Variants in BSND observed in about 807,000 individuals in gnomAD.
BSND encodes the protein barttin.
In BSND, 13 loss-of-function variants were observed where a neutral mutation model predicts 18.8. The observed-to-expected ratio is 0.69, with a 90% CI of 0.45 to 1.10. The LOEUF (loss-of-function observed/expected upper bound fraction) is 1.10. Among genes scored for constraint, BSND ranks in the 50% least tolerant of loss-of-function variants. The probability of loss-of-function intolerance (pLI) is 0.00; values close to 1 mark genes in which losing one functional copy is unlikely to be tolerated. For missense variants in BSND, 379 were observed against 416.7 expected (o/e 0.91, Z 0.79); for synonymous variants, 170 against 161.8 (o/e 1.05, Z -0.39).
rs946269323 is a variant in BSND, at chr1:55,013,256, C to A, written c.*4628C>A. On this transcript the variant is annotated 3_prime_UTR_variant, in exon 4 of 4. Transcript: ENST00000651561. ...TCAGCTTGCTGCAACCTCCACCTCC[C>A]GGGTTCAAGTGATTCTCCTGCCTCA... Among the ~76,000 whole-genome samples the A allele has an allele frequency of 2.6e-5, 4 of 152,128 alleles. No homozygotes were observed. The highest frequency in any genetic ancestry group is 9.7e-5 in the African/African-American group (4 of 41,416).
intron 3 of BSND, among the ~76,000 whole-genome samples, chr1:55,007,506 C>T (rs891923096): frequency 2.6e-5 from 4 of 152,150 alleles, no homozygotes; most frequent in African/African-American, 9.7e-5. Flanking sequence ...AGGTTCCTTA[C>T]TTTCCCTAGC....
At position 54,999,359 on chromosome 1, in the gene BSND, C is replaced by T; in HGVS notation, c.173C>T (p.Pro58Leu). Residue 58 changes from proline to leucine, a missense_variant, in exon 1 of 4, where the codon CCC becomes CTC. Coordinates refer to ENST00000651561, the MANE Select transcript of BSND (RefSeq NM_057176.3). ...GIIWSMCQCY[P>L]KITFVPADSD... ...ATCTGGAGCATGTGCCAGTGCTACC[C>T]CAAGGTAGGTGGTAGTGGGGCTGGG... is the stretch of plus-strand genomic sequence containing the variant. The T allele has an allele frequency of 6.2e-7, 1 of 1,607,520 alleles. No individual in the cohort carries two copies. The highest frequency in any genetic ancestry group is 8.5e-7 in the Non-Finnish European group (1 of 1,174,954).
intron 2 of BSND, among the ~76,000 whole-genome samples, chr1:55,005,509 C>T (rs1000802776): frequency 6.6e-6 from 1 of 152,234 alleles, no homozygotes; most frequent in African/African-American, 2.4e-5. Flanking sequence ...GCTTTGCCGC[C>T]TACTCGCTGC....
Position 54,999,157 on chromosome 1 carries a change from G to C in BSND, c.-30G>C, listed in dbSNP as rs778681727. 2.2e-5 allele frequency: 36 copies of C among 1,612,926 alleles called. No individual in the cohort carries two copies. Among genetic ancestry groups the C allele is most frequent in the Non-Finnish European group, 3.0e-5 (35 of 1,179,968 alleles). Reference sequence around the variant, plus strand: ...ACTACAGCCACCCCCTCTCCCGGGGGTGTGCAGGCCAGGGACTGGCCAGGC... The same window carrying C: ...ACTACAGCCACCCCCTCTCCCGGGGCTGTGCAGGCCAGGGACTGGCCAGGC... On this transcript the variant is annotated 5_prime_UTR_variant, in exon 1 of 4. Transcript: ENST00000651561.
chr1:55,004,383 G>T (rs1219949597), intron 1 of BSND, among the ~76,000 whole-genome samples: 3 of 152,222 alleles, frequency 2.0e-5, no homozygotes, highest in Non-Finnish European at 4.4e-5. Flanking sequence ...AGGGCCCACA[G>T]TGAGAATCTG....
At position 55,007,129 on chromosome 1, in the gene BSND, G is replaced by A. The variant is rs780533402; in HGVS notation, c.405G>A (p.Glu135=). The change falls in exon 3 of 4, where the codon GAG becomes GAA. Residue 135 remains glutamate (E), a synonymous_variant. Coordinates refer to ENST00000651561, the MANE Select transcript of BSND (RefSeq NM_057176.3). ...SEDHRSLLAP[E]MGQPKLGTSD... is the part of the protein sequence containing the mutation. ...ACCACCGCTCCTTGCTGGCCCCTGA[G>A]ATGGGGCAGCCGAAGCTGGGAACCA... 1.1e-5 allele frequency: 18 copies of A among 1,614,094 alleles called. No homozygotes were observed. The highest frequency in any genetic ancestry group is 6.7e-5 in the African/African-American group (5 of 74,930).
chr1:55,000,071 T>C (rs1038617991), intron 1 of BSND, among the ~76,000 whole-genome samples: 6 of 152,146 alleles, frequency 3.9e-5, no homozygotes, highest in Middle Eastern at 3.2e-3. Flanking sequence ...TGAGCCTCAT[T>C]TTTTTCATCT....
chr1:54,999,018 G>A lies in BSND; in HGVS notation c.-169G>A. On this transcript the variant is annotated 5_prime_UTR_variant, in exon 1 of 4. Transcript: ENST00000651561. ...CGCCTCCAGCCCTGTTGAACTGGTG[G>A]GCCCAGGGACTGGAGCGGGATTGAA... The A allele has an allele frequency of 4.0e-6, 3 of 752,228 alleles. No homozygotes were observed. Among genetic ancestry groups the A allele is most frequent in the Non-Finnish European group, 6.4e-6 (3 of 467,438 alleles). 46.6% of individuals were successfully genotyped at this position (752,228 alleles called of 1,614,324 possible). A position where few individuals can be genotyped will look rare whatever the true frequency, so the allele number is the denominator to read the frequency against.
rs778442662 is a variant in BSND, at chr1:55,007,058, C to A, written c.334C>A (p.Pro112Thr). ...WEEAAYDQSL[P>T]DFSHIQMKVM... ...GGAAGCCGCCTATGACCAGAGCCTG[C>A]CTGACTTCAGCCACATCCAGATGAA... Residue 112 changes from proline (P) to threonine (T), a missense_variant, in exon 3 of 4, where the codon CCT becomes ACT. Pro to Thr is a conservative substitution (Grantham distance 38). Coordinates refer to ENST00000651561, the MANE Select transcript of BSND (RefSeq NM_057176.3). 1.2e-6 allele frequency: 2 copies of A among 1,614,194 alleles called. No individual in the cohort carries two copies. Among genetic ancestry groups the A allele is most frequent in the South Asian group, 1.1e-5 (1 of 91,086 alleles).
chr1:55,000,336 A>G (rs1318504222), intron 1 of BSND, among the ~76,000 whole-genome samples: 1 of 152,050 alleles, frequency 6.6e-6, no homozygotes, highest in African/African-American at 2.4e-5. Flanking sequence ...ACCCAGGGAG[A>G]AAAGGAGGGA....
chr1:55,008,893 C>A lies in BSND; in HGVS notation c.*265C>A. 2 of 542,982 alleles carry A rather than the reference C, an allele frequency of 3.7e-6. No homozygotes were observed. Among genetic ancestry groups the A allele is most frequent in the Non-Finnish European group, 6.6e-6 (2 of 304,792 alleles). 33.6% of individuals were successfully genotyped at this position (542,982 alleles called of 1,614,324 possible). On this transcript the variant is annotated 3_prime_UTR_variant, in exon 4 of 4. Coordinates refer to ENST00000651561, the MANE Select transcript of BSND (RefSeq NM_057176.3). ...TTGCAGCAGCTGAAGCCCTCAAAAG[C>A]ATTTTCCACCTTCCCCCAAAGCTGA...
intron 1 of BSND, among the ~76,000 whole-genome samples, chr1:55,001,201 CGTGTGTGTGTGTGTGTGT>C (rs36051858): frequency 3.6e-5 from 5 of 137,012 alleles, no homozygotes; most frequent in South Asian, 2.5e-4. Flanking sequence ...ACAGTGGGAT[CGTGTGTGTGTGTGTGTGT>C]GTGTGTGTGT....
rs562990658 is a variant in BSND, at chr1:55,015,545, G to A, written c.*6917G>A. 2.0e-5 allele frequency among the ~76,000 whole-genome samples: 3 copies of A among 152,390 alleles called. No homozygotes were observed. The East Asian group carries it at 5.8e-4, about 29-fold the overall frequency. On this transcript the variant is annotated 3_prime_UTR_variant, in exon 4 of 4. Coordinates refer to ENST00000651561, the MANE Select transcript of BSND (RefSeq NM_057176.3). Reference sequence around the variant, plus strand: ...GAGAAGAGCAGACACGGTGTGGTGGGTAGGTGGATGAGACCAGGCTTTGGG... The same window carrying A: ...GAGAAGAGCAGACACGGTGTGGTGGATAGGTGGATGAGACCAGGCTTTGGG...
chr1:55,000,275 T>C (rs1644354599), intron 1 of BSND, among the ~76,000 whole-genome samples: 1 of 152,204 alleles, frequency 6.6e-6, no homozygotes, highest in African/African-American at 2.4e-5. Context: ...GAATCTTCAA[T>C]GCCTAGAGAG....
At chr1:55,004,981 C>A (rs1644382196) in intron 1 of BSND, 41 bp from the exon 2 acceptor site, 1 of 1,586,466 alleles carries the variant, frequency 6.3e-7, no homozygotes, top group Middle Eastern at 1.7e-4. Context: ...GCCCCCCTAC[C>A]CTGGTCAACT....
Position 55,008,603 on chromosome 1 carries a change from G to GT in BSND, c.942dup (p.Glu315Ter), listed in dbSNP as rs758371907. ...GACCTCCTCCCGGACAAGGAGCTGG[G>GT]TTTTGAGCCTGACACCCAAGGCTGA... On this transcript the variant is annotated frameshift_variant, in exon 4 of 4. Transcript: ENST00000651561. LOFTEE classifies it high-confidence loss of function. The GT allele has an allele frequency of 6.2e-7, 1 of 1,614,164 alleles. No homozygotes were observed. Among genetic ancestry groups the GT allele is most frequent in the Non-Finnish European group, 8.5e-7 (1 of 1,180,034 alleles).
Position 55,012,370 on chromosome 1 carries a change from T to C in BSND, c.*3742T>C, listed in dbSNP as rs955795723. On this transcript the variant is annotated 3_prime_UTR_variant, in exon 4 of 4. Coordinates refer to ENST00000651561, the MANE Select transcript of BSND (RefSeq NM_057176.3). ...CGATCTGTCGACCCCACATTGCAAA[T>C]GTTTGTTATAAATCCCAGGCTCCAG... Among the ~76,000 whole-genome samples the C allele has an allele frequency of 2.0e-5, 3 of 152,188 alleles. No homozygotes were observed. The highest frequency in any genetic ancestry group is 2.9e-5 in the Non-Finnish European group (2 of 68,028).
intron 1 of BSND, among the ~76,000 whole-genome samples, chr1:55,001,437 T>C (rs900788337): frequency 3.3e-5 from 5 of 151,994 alleles, no homozygotes; most frequent in Non-Finnish European, 7.4e-5. Context: ...GAAAGCACCT[T>C]ATAAACCAGG....
rs1418321728 is a variant in BSND, at chr1:55,013,517, A to C, written c.*4889A>C. ...CTCAGAGAAGCTGAATAATTTGCCC[A>C]TCCTTGCGGAGAAGAGCTAAATGGA... On this transcript the variant is annotated 3_prime_UTR_variant, in exon 4 of 4. Coordinates refer to ENST00000651561, the MANE Select transcript of BSND (RefSeq NM_057176.3). 6.6e-6 allele frequency among the ~76,000 whole-genome samples: 1 copy of C among 152,156 alleles called. No homozygotes were observed. Among genetic ancestry groups the C allele is most frequent in the Non-Finnish European group, 1.5e-5 (1 of 68,028 alleles).
Sources: allele counts gnomAD v4.1 joint callset (sites outside exome capture counted in the v4.1 genomes callset), GRCh38; gene constraint gnomAD v4.1.1; transcripts MANE v1.5; gene names NCBI Gene and HGNC (gene_info 2026-07-23, HGNC 2026-07-21).